CSMD2: variants seen among roughly 807,000 people sequenced by gnomAD.
The protein encoded by CSMD2 is CUB and sushi domain-containing protein 2.
CSMD2 carries 130 observed loss-of-function variants against 398.5 expected under a neutral mutation model. That is an observed-to-expected ratio of 0.33 (90% confidence interval 0.28 to 0.38). The LOEUF (loss-of-function observed/expected upper bound fraction) is 0.38, where lower values mean the gene tolerates loss of function less well. Among genes scored for constraint, CSMD2 ranks in the 10% least tolerant of loss-of-function variants. The pLI, the probability that CSMD2 is intolerant of heterozygous loss-of-function variation, is 1.00. For synonymous variants in CSMD2, 1,828 were observed against 1,908.5 expected (o/e 0.96, Z 1.10); for missense variants, 3,829 against 4,764.9 (o/e 0.80, Z 5.78).
intron 3 of CSMD2, among the ~76,000 whole-genome samples, chr1:33,943,473 A>G (rs1644741342): frequency 6.6e-6 from 1 of 152,236 alleles, no homozygotes; most frequent in Non-Finnish European, 1.5e-5. Context: ...AAATACTGTC[A>G]CAATGTCATT....
intron 13 of CSMD2, among the ~76,000 whole-genome samples, chr1:33,748,534 T>C (rs78074733): frequency 0.018 from 2,700 of 152,284 alleles, 103 homozygotes; most frequent in South Asian, 0.07. Context: ...TGAGCTTGAG[T>C]AGAAAATAAA....
intron 25 of CSMD2, among the ~76,000 whole-genome samples, chr1:33,684,525 A>G (rs1017871453): frequency 3.9e-5 from 6 of 152,166 alleles, no homozygotes; most frequent in African/African-American, 1.4e-4. Context: ...CGCATAAGAA[A>G]TGACTCAGTT....
intron 2 of CSMD2, among the ~76,000 whole-genome samples, chr1:34,075,019 C>T (rs1019674368): frequency 6.6e-6 from 1 of 152,222 alleles, no homozygotes; most frequent in African/African-American, 2.4e-5. Context: ...CTAAAGATAT[C>T]GTTAAGTTCC....
chr1:34,081,459 T>G (rs949248813), intron 2 of CSMD2, among the ~76,000 whole-genome samples: 1 of 149,172 alleles, frequency 6.7e-6, no homozygotes, highest in African/African-American at 2.5e-5. Context: ...TTCCATGGTC[T>G]CTCTCTGTTG....
At chr1:33,543,810 C>T (rs1417536391) in intron 57 of CSMD2, among the ~76,000 whole-genome samples, 1 of 152,150 alleles carries the variant, frequency 6.6e-6, no homozygotes, top group African/African-American at 2.4e-5. Flanking sequence ...CCAGATAATG[C>T]TTGATTTTTT....
At chr1:33,603,787 A>G (rs1354181779) in intron 42 of CSMD2, among the ~76,000 whole-genome samples, 1 of 152,206 alleles carries the variant, frequency 6.6e-6, no homozygotes, top group Non-Finnish European at 1.5e-5. Context: ...CTCCTTCTAG[A>G]ATTCATATTT....
intron 19 of CSMD2, among the ~76,000 whole-genome samples, chr1:33,719,246 C>T (rs1228555221): frequency 2.6e-5 from 4 of 152,208 alleles, no homozygotes; most frequent in African/African-American, 4.8e-5. Flanking sequence ...AGGAAATATA[C>T]GTCCTTTCCC....
intron 9 of CSMD2, chr1:33,813,138 C>A (rs1422446698): frequency 6.6e-6 from 1 of 152,148 alleles, no homozygotes; most frequent in Non-Finnish European, 1.5e-5. Flanking sequence ...TTATCTTGTA[C>A]TTGTTTCCAA....
Position 33,537,940 on chromosome 1 carries a change from T to C in CSMD2, c.9632-331A>G, listed in dbSNP as rs894398196. 4.6e-5 allele frequency among the ~76,000 whole-genome samples: 7 copies of C among 152,346 alleles called. No individual in the cohort carries two copies. Among genetic ancestry groups the C allele is most frequent in the Admixed American group, 2.0e-4 (3 of 15,310 alleles). On this transcript the variant is annotated intron_variant, in intron 60 of 70. Transcript: ENST00000373381. The surrounding 1 kb of genome is among the most constrained non-coding windows in gnomAD (Gnocchi z 4.6). The stretch of plus-strand genomic sequence containing the variant: ...TTTCACGCACATTCTTTTCCAATCT[T>C]TGTTCAGTTGTATGGAAACTTGTGC...
At chr1:34,057,774 T>A (rs1287828661) in intron 2 of CSMD2, among the ~76,000 whole-genome samples, 1 of 152,200 alleles carries the variant, frequency 6.6e-6, no homozygotes, top group Non-Finnish European at 1.5e-5. Flanking sequence ...CTGCAAGGAC[T>A]GCAGAGATCA....
At chr1:33,700,070 G>A (rs486887) in intron 23 of CSMD2, among the ~76,000 whole-genome samples, 4,032 of 151,390 alleles carry the variant, frequency 0.027, 167 homozygotes, top group African/African-American at 0.092. Flanking sequence ...GTGCAGTGGC[G>A]CAATCTCGGC....
intron 2 of CSMD2, among the ~76,000 whole-genome samples, chr1:34,058,135 G>C (rs1230515093): frequency 4.6e-5 from 7 of 152,110 alleles, no homozygotes; most frequent in African/African-American, 1.7e-4. Flanking sequence ...TTGTGAGCTG[G>C]GAGAAACAGG....
At chr1:33,637,433 C>A (rs192980979) in intron 29 of CSMD2, among the ~76,000 whole-genome samples, 123 of 152,328 alleles carry the variant, frequency 8.1e-4, no homozygotes, top group African/African-American at 2.8e-3. Context: ...TCAAACAAGA[C>A]CACTCTTGAC....
intron 29 of CSMD2, 32 bp downstream of exon 29, chr1:33,646,616 T>C: frequency 6.2e-7 from 1 of 1,609,642 alleles, no homozygotes; most frequent in Non-Finnish European, 8.5e-7. Flanking sequence ...GCTGGACCTG[T>C]CCTCAGTACT....
intron 13 of CSMD2, among the ~76,000 whole-genome samples, chr1:33,759,204 C>CA (rs1557850675): frequency 6.6e-6 from 1 of 151,570 alleles, no homozygotes; most frequent in African/African-American, 2.4e-5. Flanking sequence ...ACATGGTGAA[C>CA]TGTAAGTGGA....
chr1:33,553,815 T>C (rs1657692903), intron 55 of CSMD2, among the ~76,000 whole-genome samples: 1 of 152,098 alleles, frequency 6.6e-6, no homozygotes. Flanking sequence ...TAGGGGGCTG[T>C]CCTGTGCATT....
intron 3 of CSMD2, among the ~76,000 whole-genome samples, chr1:33,964,246 C>G (rs559224393): frequency 1.3e-5 from 2 of 150,806 alleles, no homozygotes; most frequent in East Asian, 3.9e-4. Flanking sequence ...CTTAACCTCT[C>G]TATGTCTCAA....
At chr1:33,545,367 T>A (rs181274628) in intron 57 of CSMD2, among the ~76,000 whole-genome samples, 310 of 152,368 alleles carry the variant, frequency 2.0e-3, no homozygotes, top group Middle Eastern at 6.8e-3. Flanking sequence ...ACTGAGGGCC[T>A]AGATTACTTT....
In CSMD2 at chr1:33,567,830, T is replaced by G. The variant is rs535824849; in HGVS notation, c.8143A>C (p.Lys2715Gln). ...AGCTTATAGAAAATGGAGTGGAGCTTGGTCTGAGTGGCTAGAGACAGGGAT... is the reference window on the plus strand; with the variant it reads ...AGCTTATAGAAAATGGAGTGGAGCTGGGTCTGAGTGGCTAGAGACAGGGAT... Reference protein sequence around the residue: ...SEVRCLATQTKLHSIFYKLLF... With the variant: ...SEVRCLATQTQLHSIFYKLLF... The change falls in exon 53 of 71, where the codon AAG becomes CAG. Residue 2715 changes from lysine to glutamine, a missense_variant. By Grantham distance (53) the Lys-to-Gln change is moderately conservative. This residue lies in a region of CSMD2 where 723 missense variants were observed against 758.6 expected (regional missense o/e 0.95). Transcript: ENST00000373381. 6.3e-7 allele frequency: 1 copy of G among 1,581,322 alleles called. No homozygotes were observed. The highest frequency in any genetic ancestry group is 1.2e-5 in the South Asian group (1 of 86,926).
Sources: allele counts gnomAD v4.1 joint callset (sites outside exome capture counted in the v4.1 genomes callset), GRCh38; gene constraint gnomAD v4.1.1; regional missense constraint gnomAD v4.1.1; non-coding constraint Gnocchi (gnomAD v3.1); transcripts MANE v1.5; gene names NCBI Gene and HGNC (gene_info 2026-07-23, HGNC 2026-07-21).